The following LMX1B variants were observed in gnomAD, a reference collection of about 807,000 sequenced individuals.
The protein encoded by LMX1B is LIM homeobox transcription factor 1-beta.
In LMX1B, 12 loss-of-function variants were observed where a neutral mutation model predicts 51.4. That is an observed-to-expected ratio of 0.23 (90% CI 0.15 to 0.38). LMX1B has a LOEUF of 0.38. LMX1B is among the 10% of genes least tolerant of loss of function. The pLI is 1.00. For missense variants in LMX1B, 445 were observed against 571.1 expected (o/e 0.78, Z 2.25); for synonymous variants, 237 against 235.4 (o/e 1.01, Z -0.06).
chr9:126,644,954 C>G (rs906034341), intron 2 of LMX1B, among the ~76,000 whole-genome samples: 1 of 152,192 alleles, frequency 6.6e-6, no homozygotes, highest in African/African-American at 2.4e-5. Flanking sequence ...GGGGGCTTCT[C>G]CTGCCCTCCC....
intron 2 of LMX1B, among the ~76,000 whole-genome samples, chr9:126,675,448 C>T (rs922562915): frequency 2.0e-5 from 3 of 152,170 alleles, no homozygotes; most frequent in Non-Finnish European, 4.4e-5. Context: ...AAATGTTGGC[C>T]GGGTGCGGTG....
Position 126,641,953 on chromosome 9 carries a change from C to T in LMX1B, c.326+26384C>T, listed in dbSNP as rs918727761. Among the ~76,000 whole-genome samples, 13 of 152,194 alleles carry T rather than the reference C, an allele frequency of 8.5e-5. No homozygotes were observed. Among genetic ancestry groups the T allele is most frequent in the African/African-American group, 1.4e-4 (6 of 41,442 alleles). ...CAGCTTATCCCCATTTTACAGATGA[C>T]GCAACAGCCTCAGAGCAGACCCATT... On this transcript the variant is annotated intron_variant, in intron 2 of 7. Transcript: ENST00000373474. This position sits in a 1 kb window ranked among gnomAD's most constrained non-coding sequence, Gnocchi z 4.1.
At position 126,695,677 on chromosome 9, in the gene LMX1B, G is replaced by A. The variant is rs1012641372; in HGVS notation, c.887-162G>A. Among the ~76,000 whole-genome samples the A allele has an allele frequency of 6.6e-6, 1 of 152,124 alleles. No individual in the cohort carries two copies. Among genetic ancestry groups the A allele is most frequent in the African/African-American group, 2.4e-5 (1 of 41,414 alleles). ...GTAAGCTGAGCCTGGAGGAGGAGCT[G>A]GAGTGTGCACCTGGGGAAGGGGCTG... On this transcript the variant is annotated intron_variant, in intron 6 of 7. Coordinates refer to ENST00000373474, the MANE Select transcript of LMX1B (RefSeq NM_001174147.2). The surrounding 1 kb of genome is among the most constrained non-coding windows in gnomAD (Gnocchi z 5.2).
In LMX1B at chr9:126,697,837, C is replaced by CTGTTTTGTTTTGTTT. The variant is rs59836255; in HGVS notation, c.*1427_*1441dup. On this transcript the variant is annotated 3_prime_UTR_variant, in exon 8 of 8. Coordinates refer to ENST00000373474, the MANE Select transcript of LMX1B (RefSeq NM_001174147.2). ...TGTATATGCAGGATGGGGGCACCTA[C>CTGTTTTGTTTTGTTT]TGTTTTGTTTTGTTTTGTTTTGTTT... The CTGTTTTGTTTTGTTT allele has an allele frequency of 0.013, 1,849 of 147,906 alleles. 31 individuals are homozygous for CTGTTTTGTTTTGTTT. Among genetic ancestry groups the CTGTTTTGTTTTGTTT allele is most frequent in the African/African-American group, 0.02 (791 of 39,102 alleles). 9.2% of individuals were successfully genotyped at this position (147,906 alleles called of 1,614,324 possible). A position where few individuals can be genotyped will look rare whatever the true frequency, so the allele number is the denominator to read the frequency against.
At chr9:126,644,187 G>C (rs1434972478) in intron 2 of LMX1B, among the ~76,000 whole-genome samples, 1 of 152,196 alleles carries the variant, frequency 6.6e-6, no homozygotes, top group Non-Finnish European at 1.5e-5. Flanking sequence ...CCACCGGGGG[G>C]TATCTGCTGA....
intron 2 of LMX1B, among the ~76,000 whole-genome samples, chr9:126,643,243 T>A (rs535903535): frequency 6.6e-6 from 1 of 152,280 alleles, no homozygotes; most frequent in African/African-American, 2.4e-5. Flanking sequence ...AGCTGGGTAC[T>A]TTCCAGACAG....
rs1835496824 is a variant in LMX1B, at chr9:126,625,127, A to G, written c.326+9558A>G. Reference sequence around the variant, plus strand: ...ATCCCCTTATTCATGTCAAGCACAGAAAAGAAGCCGAGCACCTTACAACCG... The same window carrying G: ...ATCCCCTTATTCATGTCAAGCACAGGAAAGAAGCCGAGCACCTTACAACCG... On this transcript the variant is annotated intron_variant, in intron 2 of 7. Coordinates refer to ENST00000373474, the MANE Select transcript of LMX1B (RefSeq NM_001174147.2). This position sits in a 1 kb window ranked among gnomAD's most constrained non-coding sequence, Gnocchi z 5.3. Among the ~76,000 whole-genome samples, 1 of 152,220 alleles carries G rather than the reference A, an allele frequency of 6.6e-6. No individual in the cohort carries two copies. Among genetic ancestry groups the G allele is most frequent in the African/African-American group, 2.4e-5 (1 of 41,454 alleles).
chr9:126,675,874 C>G (rs1385995896), intron 2 of LMX1B, among the ~76,000 whole-genome samples: 2 of 151,204 alleles, frequency 1.3e-5, no homozygotes, highest in Admixed American at 1.3e-4. Flanking sequence ...ACGGTGAAAC[C>G]CCGTCTCTAC....
intron 2 of LMX1B, among the ~76,000 whole-genome samples, chr9:126,649,743 C>T (rs1835965447): frequency 6.6e-6 from 1 of 152,210 alleles, no homozygotes; most frequent in African/African-American, 2.4e-5. Context: ...CTCCCCATCT[C>T]AGCCTCCCAA....
chr9:126,629,741 C>A (rs1189958489), intron 2 of LMX1B, among the ~76,000 whole-genome samples: 1 of 151,976 alleles, frequency 6.6e-6, no homozygotes, highest in South Asian at 2.1e-4. Flanking sequence ...AATATTATTT[C>A]CCATTTTGCC....
Position 126,696,724 on chromosome 9 carries a change from C to A in LMX1B, c.*273C>A. 1 of 546,008 alleles carries A rather than the reference C, an allele frequency of 1.8e-6. No homozygotes were observed. Among genetic ancestry groups the A allele is most frequent in the Non-Finnish European group, 3.3e-6 (1 of 304,630 alleles). 33.8% of individuals were successfully genotyped at this position (546,008 alleles called of 1,614,324 possible). On this transcript the variant is annotated 3_prime_UTR_variant, in exon 8 of 8. Coordinates refer to ENST00000373474, the MANE Select transcript of LMX1B (RefSeq NM_001174147.2). ...TCGGACGGCCACTCGCCTCCCAGCC[C>A]CACCTCGGCCTCCATCGCCTCCTCC...
At chr9:126,629,295 C>T (rs1165186098) in intron 2 of LMX1B, among the ~76,000 whole-genome samples, 1 of 152,226 alleles carries the variant, frequency 6.6e-6, no homozygotes, top group Admixed American at 6.5e-5. Context: ...CCGGGCAGAC[C>T]TGGAGCATGC....
In LMX1B at chr9:126,626,349, G is replaced by A. The variant is rs1429696127; in HGVS notation, c.326+10780G>A. ...TATGGGGAGGGAGAAGGAGCAGGAA[G>A]TGATGCTTCCATCTCTGACAGCATA... On this transcript the variant is annotated intron_variant, in intron 2 of 7. Transcript: ENST00000373474. This position sits in a 1 kb window ranked among gnomAD's most constrained non-coding sequence, Gnocchi z 4.3. 2.0e-5 allele frequency among the ~76,000 whole-genome samples: 3 copies of A among 152,248 alleles called. No homozygotes were observed. The East Asian group carries it at 5.8e-4, about 29-fold the overall frequency.
At chr9:126,657,221 G>A (rs528749155) in intron 2 of LMX1B, among the ~76,000 whole-genome samples, 2 of 152,302 alleles carry the variant, frequency 1.3e-5, no homozygotes, top group South Asian at 2.1e-4. Flanking sequence ...TCCCACAAAG[G>A]TAGACATCAC....
chr9:126,620,281 A>T (rs1536907), intron 2 of LMX1B, among the ~76,000 whole-genome samples: 1 of 151,950 alleles, frequency 6.6e-6, no homozygotes, highest in Non-Finnish European at 1.5e-5. Context: ...AGAGCTTTAG[A>T]CTCGGAGTCA....
At chr9:126,632,688 G>A (rs1312394782) in intron 2 of LMX1B, among the ~76,000 whole-genome samples, 1 of 152,176 alleles carries the variant, frequency 6.6e-6, no homozygotes, top group Non-Finnish European at 1.5e-5. Flanking sequence ...GAGGGTCACA[G>A]AGGCCTGGGG....
rs192348506 is a variant in LMX1B, at chr9:126,694,486, T to C, written c.886+674T>C. Among the ~76,000 whole-genome samples the C allele has an allele frequency of 2.9e-3, 446 of 152,318 alleles. 1 individual carries two copies. Among genetic ancestry groups the C allele is most frequent in the Non-Finnish European group, 3.9e-3 (268 of 68,020 alleles). On this transcript the variant is annotated intron_variant, in intron 6 of 7. Transcript: ENST00000373474. ...GGCATGAGTCAGGCCCCCTCATCAC[T>C]GGGCTTTACCAAAAATCGTGTTTCC...
intron 2 of LMX1B, among the ~76,000 whole-genome samples, chr9:126,632,303 C>T (rs941277378): frequency 2.6e-5 from 4 of 151,958 alleles, no homozygotes; most frequent in African/African-American, 4.8e-5. Flanking sequence ...GGCAGGTGCC[C>T]GTGAGATGGG....
chr9:126,659,406 C>T (rs1487652287), intron 2 of LMX1B, among the ~76,000 whole-genome samples: 4 of 152,254 alleles, frequency 2.6e-5, no homozygotes, highest in Admixed American at 6.5e-5. Context: ...TCCTGTGCTC[C>T]AGCTGGGCCA....
Sources: gnomAD v4.1 joint callset for allele counts (sites outside exome capture counted in the v4.1 genomes callset) on GRCh38, gnomAD v4.1.1 for gene constraint, Gnocchi (gnomAD v3.1) non-coding constraint, MANE v1.5 for transcripts, NCBI Gene and HGNC (gene_info 2026-07-23, HGNC 2026-07-21) for gene names.